Variants in TENM4 observed in about 807,000 individuals in gnomAD.
The protein encoded by TENM4 is teneurin transmembrane protein 4, also known as teneurin-4.
Under a neutral mutation model 243.3 loss-of-function variants are expected in TENM4, and 82 were observed. That is an observed-to-expected ratio of 0.34 (90% CI 0.28 to 0.40). The LOEUF (loss-of-function observed/expected upper bound fraction) is 0.40. TENM4 is among the 10% of genes least tolerant of loss of function. The pLI is 1.00. For missense variants in TENM4, 3,138 were observed against 3,673.3 expected (o/e 0.85, Z 3.77); for synonymous variants, 1,412 against 1,456.3 (o/e 0.97, Z 0.69).
chr11:79,035,388 A>ACCC (rs1481035765), intron 6 of TENM4, among the ~76,000 whole-genome samples: 4 of 151,984 alleles, frequency 2.6e-5, no homozygotes, highest in African/African-American at 9.7e-5. Context: ...AGCCATTTGC[A>ACCC]CCCTACAGCT....
chr11:78,868,430 G>A (rs1859041160), intron 9 of TENM4, among the ~76,000 whole-genome samples: 2 of 152,180 alleles, frequency 1.3e-5, no homozygotes, highest in African/African-American at 2.4e-5. Flanking sequence ...GATCACCCAC[G>A]CTGAAATGTT....
At position 79,137,554 on chromosome 11, in the gene TENM4, G is replaced by T. The variant is rs201239670; in HGVS notation, c.-66+11156C>A. On this transcript the variant is annotated intron_variant, in intron 4 of 33. Transcript: ENST00000278550. ...GAATACAGAATGTGTAGTAGAAGAAGGTTGTCATTAATACCAGTTACAACC... is the reference window on the plus strand; with the variant it reads ...GAATACAGAATGTGTAGTAGAAGAATGTTGTCATTAATACCAGTTACAACC... 2.2e-4 allele frequency among the ~76,000 whole-genome samples: 34 copies of T among 152,262 alleles called. No individual in the cohort carries two copies. The South Asian group carries it at 6.0e-3, about 27-fold the overall frequency.
chr11:79,404,253 C>A (rs1414087683), intron 1 of TENM4, among the ~76,000 whole-genome samples: 1 of 152,194 alleles, frequency 6.6e-6, no homozygotes, highest in Non-Finnish European at 1.5e-5. Context: ...TGCAAAGAAC[C>A]TAAAATTTCC....
At chr11:79,298,021 C>G (rs1856485319) in intron 1 of TENM4, among the ~76,000 whole-genome samples, 1 of 151,926 alleles carries the variant, frequency 6.6e-6, no homozygotes, top group Non-Finnish European at 1.5e-5. Flanking sequence ...CCACGCCAGT[C>G]ATGATTTTCC....
chr11:79,313,249 T>C (rs1856751127), intron 1 of TENM4, among the ~76,000 whole-genome samples: 1 of 152,188 alleles, frequency 6.6e-6, no homozygotes, highest in South Asian at 2.1e-4. Context: ...TCCTTTCACT[T>C]ATTTATTCCC....
intron 23 of TENM4, 138 bp downstream of exon 23, chr11:78,725,941 A>G (rs1855500481): frequency 2.5e-6 from 3 of 1,178,296 alleles, no homozygotes; most frequent in South Asian, 1.5e-5. Flanking sequence ...TCTTCAAGCA[A>G]TATCTGTTGA....
At chr11:79,426,075 T>G (rs1279234945) in intron 1 of TENM4, among the ~76,000 whole-genome samples, 3 of 152,178 alleles carry the variant, frequency 2.0e-5, no homozygotes, top group Admixed American at 2.0e-4. Context: ...ATTTCCCACC[T>G]TCAGGAGTAG....
intron 1 of TENM4, among the ~76,000 whole-genome samples, chr11:79,396,932 T>C (rs185147263): frequency 2.1e-3 from 326 of 152,356 alleles, no homozygotes; most frequent in African/African-American, 7.6e-3. Flanking sequence ...GAGCCTGGGC[T>C]GCTGTCATTG....
chr11:78,943,997 C>A (rs1483642390), intron 6 of TENM4, among the ~76,000 whole-genome samples: 2 of 152,222 alleles, frequency 1.3e-5, no homozygotes, highest in Non-Finnish European at 2.9e-5. Context: ...ACCTTGGGAG[C>A]ACTCATACTT....
At chr11:78,958,180 A>C (rs1857246612) in intron 6 of TENM4, among the ~76,000 whole-genome samples, 1 of 152,252 alleles carries the variant, frequency 6.6e-6, no homozygotes, top group South Asian at 2.1e-4. Context: ...GAAAGTCCTT[A>C]TTAAATGTCA....
At chr11:79,324,900 A>G (rs1339491539) in intron 1 of TENM4, among the ~76,000 whole-genome samples, 1 of 152,126 alleles carries the variant, frequency 6.6e-6, no homozygotes, top group Non-Finnish European at 1.5e-5. Flanking sequence ...CTGCCTTAGG[A>G]GTCAGGTGAA....
intron 1 of TENM4, among the ~76,000 whole-genome samples, chr11:79,394,948 G>A (rs1488358019): frequency 1.3e-5 from 2 of 152,196 alleles, no homozygotes; most frequent in Non-Finnish European, 2.9e-5. Flanking sequence ...CCAGACAGAG[G>A]CATGGAACAG....
intron 9 of TENM4, among the ~76,000 whole-genome samples, chr11:78,865,878 T>C (rs1455215113): frequency 6.6e-6 from 1 of 152,348 alleles, no homozygotes; most frequent in Non-Finnish European, 1.5e-5. Context: ...GCAATGAGTA[T>C]AGAAAGCTTC....
chr11:79,101,310 G>A (rs951859385), intron 4 of TENM4, among the ~76,000 whole-genome samples: 16 of 152,200 alleles, frequency 1.1e-4, no homozygotes, highest in African/African-American at 2.9e-4. Context: ...GAGAAAAGGC[G>A]GATTTTAAGC....
chr11:78,894,499 T>TA (rs1274628006), intron 7 of TENM4, among the ~76,000 whole-genome samples: 4 of 152,274 alleles, frequency 2.6e-5, no homozygotes, highest in Middle Eastern at 3.4e-3. Context: ...CAGTTATTTT[T>TA]AAAAAAAGAG....
intron 6 of TENM4, among the ~76,000 whole-genome samples, chr11:78,926,518 C>T (rs1039935128): frequency 6.6e-6 from 1 of 152,006 alleles, no homozygotes; most frequent in Non-Finnish European, 1.5e-5. Context: ...ATGATCCGCC[C>T]GCCTCGGCCT....
chr11:78,989,638 T>C (rs1857992640), intron 6 of TENM4, among the ~76,000 whole-genome samples: 1 of 152,244 alleles, frequency 6.6e-6, no homozygotes, highest in African/African-American at 2.4e-5. Context: ...CTAGTTCCTC[T>C]GCGCTAACTC....
chr11:79,136,018 G>A (rs896359727), intron 4 of TENM4, among the ~76,000 whole-genome samples: 4 of 151,722 alleles, frequency 2.6e-5, no homozygotes, highest in Admixed American at 2.6e-4. Context: ...TGATACAATG[G>A]ATTTTGGGAA....
intron 6 of TENM4, among the ~76,000 whole-genome samples, chr11:79,016,195 G>C (rs988036195): frequency 2.6e-5 from 4 of 152,166 alleles, no homozygotes; most frequent in African/African-American, 9.7e-5. Context: ...ATTGTATAGG[G>C]GGCAAGAGTG....
Sources: gnomAD v4.1 joint callset for allele counts (sites outside exome capture counted in the v4.1 genomes callset) on GRCh38, gnomAD v4.1.1 for gene constraint, MANE v1.5 for transcripts, NCBI Gene and HGNC (gene_info 2026-07-23, HGNC 2026-07-21) for gene names.